Variants in SKA2 observed in about 807,000 individuals in gnomAD.
SKA2 encodes the protein spindle and kinetochore-associated protein 2.
In SKA2, 13 loss-of-function variants were observed where a neutral mutation model predicts 16.9. The observed-to-expected ratio is 0.77, with a 90% CI of 0.50 to 1.22. The LOEUF is 1.22. SKA2 is among the 50% of genes most tolerant of loss of function. The pLI is 0.00. For synonymous variants in SKA2, 47 were observed against 48.5 expected (o/e 0.97, Z 0.13); for missense variants, 107 against 139.7 (o/e 0.77, Z 1.18).
At chr17:59,130,085 A>G (rs1172138982) in intron 2 of SKA2, among the ~76,000 whole-genome samples, 3 of 152,012 alleles carry the variant, frequency 2.0e-5, no homozygotes, top group African/African-American at 7.2e-5. Context: ...AAGAGAAAGG[A>G]AAGAAAGAAA....
At chr17:59,142,797 G>A (rs2046501987) in intron 1 of SKA2, among the ~76,000 whole-genome samples, 1 of 151,330 alleles carries the variant, frequency 6.6e-6, no homozygotes, top group South Asian at 2.1e-4. Context: ...TGTGGTGGTG[G>A]GCACCTGTAA....
intron 1 of SKA2, among the ~76,000 whole-genome samples, chr17:59,139,788 G>A (rs773976934): frequency 1.4e-4 from 22 of 151,916 alleles, no homozygotes; most frequent in Admixed American, 1.1e-3. Context: ...TGGTAATGTC[G>A]CCACATGGTT....
In SKA2 at chr17:59,145,754, T is replaced by C. The variant is rs538234693; in HGVS notation, c.33+9377A>G. ...CTGTAATCCCAACAATTTGGGAGGC[T>C]GAGGTAGGAGGATCATTTGAGTCCA... On this transcript the variant is annotated intron_variant, in intron 1 of 3. Transcript: ENST00000330137. Among the ~76,000 whole-genome samples the C allele has an allele frequency of 1.7e-4, 26 of 152,196 alleles. No individual in the cohort carries two copies. In the East Asian group the frequency reaches 4.6e-3, roughly 27 times the overall value.
chr17:59,112,318 T>C lies in SKA2; in HGVS notation c.325A>G (p.Thr109Ala). 1 of 1,611,222 alleles carries C rather than the reference T, an allele frequency of 6.2e-7. No homozygotes were observed. Among genetic ancestry groups the C allele is most frequent in the Non-Finnish European group, 8.5e-7 (1 of 1,179,588 alleles). ...TGAAATTTGAATTGCTCTGCCGCAG[T>C]TTTCTCTTCTTTAGTCAGTGGTGAC... ...ELSPLTKEEK[T>A]AAEQFKFHMP... Residue 109 changes from threonine (T) to alanine (A), a missense_variant, in exon 4 of 4, where the codon ACT becomes GCT. By Grantham distance (58) the Thr-to-Ala change is moderately conservative (BLOSUM62 0). Coordinates refer to ENST00000330137, the MANE Select transcript of SKA2 (RefSeq NM_182620.4).
intron 1 of SKA2, among the ~76,000 whole-genome samples, chr17:59,141,651 G>A (rs1463964465): frequency 6.6e-6 from 1 of 151,192 alleles, no homozygotes; most frequent in African/African-American, 2.4e-5. Flanking sequence ...TTGAGCCCGG[G>A]AGGTCCAGGC....
intron 2 of SKA2, among the ~76,000 whole-genome samples, chr17:59,129,919 G>GGGAAGGAA (rs368205069): frequency 3.7e-5 from 5 of 133,860 alleles, no homozygotes; most frequent in African/African-American, 1.2e-4. Context: ...GAGGGAGGGA[G>GGGAAGGAA]GGAAGGAAGG....
intron 1 of SKA2, among the ~76,000 whole-genome samples, chr17:59,152,750 T>C (rs189032008): frequency 3.1e-4 from 47 of 152,084 alleles, no homozygotes; most frequent in Non-Finnish European, 6.2e-4. Flanking sequence ...GAAGATGAGA[T>C]GCACTGTCTT....
At chr17:59,149,468 C>T (rs570236049) in intron 1 of SKA2, among the ~76,000 whole-genome samples, 3 of 151,874 alleles carry the variant, frequency 2.0e-5, no homozygotes, top group South Asian at 2.1e-4. Flanking sequence ...ATCACACCAC[C>T]GCACTCCAGC....
At chr17:59,139,396 C>CAAAAAAAA (rs113246125) in intron 1 of SKA2, among the ~76,000 whole-genome samples, 1 of 50,324 alleles carries the variant, frequency 2.0e-5, no homozygotes, top group Non-Finnish European at 4.7e-5. Context: ...GACTCCGTCT[C>CAAAAAAAA]AAAAAAAAAA....
intron 3 of SKA2, 100 bp from the exon 4 acceptor site, chr17:59,112,445 G>A: frequency 1.2e-6 from 1 of 836,652 alleles, no homozygotes; most frequent in Admixed American, 2.7e-5. Flanking sequence ...GTTTCCCTAA[G>A]CTTATACTAT....
chr17:59,129,074 C>T (rs573474042), intron 2 of SKA2, among the ~76,000 whole-genome samples: 19 of 151,862 alleles, frequency 1.3e-4, no homozygotes, highest in Admixed American at 3.3e-4. Context: ...CTAGGTCAGG[C>T]GTGGTGGCGC....
Position 59,155,167 on chromosome 17 carries a change from G to C in SKA2, c.-4C>G. On this transcript the variant is annotated 5_prime_UTR_variant, in exon 1 of 4. Transcript: ENST00000330137. Reference sequence around the variant, plus strand: ...GCTTATCGACCTCCGCCTCCATGTTGAATAGTTGACATTCCGCAGACCGCG... The same window carrying C: ...GCTTATCGACCTCCGCCTCCATGTTCAATAGTTGACATTCCGCAGACCGCG... The C allele has an allele frequency of 6.2e-7, 1 of 1,613,978 alleles. No individual in the cohort carries two copies. Among genetic ancestry groups the C allele is most frequent in the Non-Finnish European group, 8.5e-7 (1 of 1,179,878 alleles).
At chr17:59,126,032 T>G (rs1041970781) in intron 2 of SKA2, among the ~76,000 whole-genome samples, 7 of 151,290 alleles carry the variant, frequency 4.6e-5, no homozygotes, top group Non-Finnish European at 7.4e-5. Context: ...TTAGCCGGGC[T>G]TGGTGGCGGG....
intron 3 of SKA2, among the ~76,000 whole-genome samples, chr17:59,114,549 A>T (rs570671519): frequency 6.6e-6 from 1 of 152,286 alleles, no homozygotes; most frequent in African/African-American, 2.4e-5. Context: ...ATACGCTATT[A>T]TAATCTTCTG....
At chr17:59,117,111 G>A (rs2046302004) in intron 3 of SKA2, among the ~76,000 whole-genome samples, 1 of 151,712 alleles carries the variant, frequency 6.6e-6, no homozygotes, top group Non-Finnish European at 1.5e-5. Flanking sequence ...CACCGCACCC[G>A]GCCTCTTTGG....
At chr17:59,121,666 A>G (rs2147797880) in intron 2 of SKA2, among the ~76,000 whole-genome samples, 1 of 149,708 alleles carries the variant, frequency 6.7e-6, no homozygotes, top group South Asian at 2.1e-4. Context: ...AAAAAAAAAA[A>G]GGTCGGGCGC....
chr17:59,135,054 C>T (rs62081889), intron 1 of SKA2, among the ~76,000 whole-genome samples: 9,795 of 152,024 alleles, frequency 0.064, 409 homozygotes, highest in Non-Finnish European at 0.097. Context: ...AGGCTGGTCT[C>T]GAACTCCTGA....
At chr17:59,123,585 T>G (rs2046352094) in intron 2 of SKA2, among the ~76,000 whole-genome samples, 1 of 151,754 alleles carries the variant, frequency 6.6e-6, no homozygotes, top group South Asian at 2.1e-4. Flanking sequence ...AGTTAGAATC[T>G]TACTCTGTCA....
intron 2 of SKA2, among the ~76,000 whole-genome samples, chr17:59,129,869 G>C (rs1315034787): frequency 6.8e-6 from 1 of 146,270 alleles, no homozygotes; most frequent in Admixed American, 6.9e-5. Flanking sequence ...AGGGAGGAAA[G>C]GGAGGGAGAA....
Sources: allele counts gnomAD v4.1 joint callset (sites outside exome capture counted in the v4.1 genomes callset), GRCh38; gene constraint gnomAD v4.1.1; transcripts MANE v1.5; gene names NCBI Gene and HGNC (gene_info 2026-07-23, HGNC 2026-07-21).